Variants in WDR33 observed in about 807,000 individuals in gnomAD.
WDR33 encodes the protein pre-mRNA 3' end processing protein WDR33.
Under a neutral mutation model 164.9 loss-of-function variants are expected in WDR33, and 47 were observed. That is an observed-to-expected ratio of 0.29 (90% CI 0.23 to 0.36). The LOEUF is 0.36. Among genes scored for constraint, WDR33 ranks in the 10% least tolerant of loss-of-function variants. The pLI is 1.00. For missense variants in WDR33, 1,137 were observed against 1,754.1 expected, an observed-to-expected ratio of 0.65 and a Z score of 6.28; for synonymous variants, 505 against 589.0, an observed-to-expected ratio of 0.86 and a Z score of 2.06.
At chr2:127,778,884 A>G (rs1225352353) in intron 1 of WDR33, among the ~76,000 whole-genome samples, 1 of 152,212 alleles carries the variant, frequency 6.6e-6, no homozygotes, top group East Asian at 1.9e-4. Flanking sequence ...TTATTTTACC[A>G]TAATAGATCT....
Position 127,717,965 on chromosome 2 carries a change from T to G in WDR33, c.2761-702A>C, listed in dbSNP as rs1210792229. On this transcript the variant is annotated intron_variant, in intron 16 of 21. Transcript: ENST00000322313. This position sits in a 1 kb window ranked among gnomAD's most constrained non-coding sequence, Gnocchi z 5.6. ...GAAAATAACTTACAATAAATAATAT[T>G]ATACACACATACAACTGAGCAGTAA... Among the ~76,000 whole-genome samples the G allele has an allele frequency of 6.6e-6, 1 of 152,190 alleles. No homozygotes were observed. The highest frequency in any genetic ancestry group is 1.9e-4 in the East Asian group (1 of 5,206).
In WDR33 at chr2:127,710,860, G is replaced by A. The variant is rs1311287122; in HGVS notation, c.3309-1004C>T. ...TTTCAAACTTACAGTAAAGCTGAAA[G>A]AACAGTACAATGAACATCCCAGATC... On this transcript the variant is annotated intron_variant, in intron 18 of 21. Coordinates refer to ENST00000322313, the MANE Select transcript of WDR33 (RefSeq NM_018383.5). The surrounding 1 kb of genome is among the most constrained non-coding windows in gnomAD (Gnocchi z 4.4). Among the ~76,000 whole-genome samples, 1 of 152,062 alleles carries A rather than the reference G, an allele frequency of 6.6e-6. No individual in the cohort carries two copies. The highest frequency in any genetic ancestry group is 1.5e-5 in the Non-Finnish European group (1 of 68,014).
At position 127,724,571 on chromosome 2, in the gene WDR33, A is replaced by G. The variant is rs546868285; in HGVS notation, c.1086-128T>C. 1.3e-4 allele frequency: 106 copies of G among 790,540 alleles called. No homozygotes were observed. Among genetic ancestry groups the G allele is most frequent in the East Asian group, 5.0e-4 (19 of 37,952 alleles). 49.0% of individuals were successfully genotyped at this position (790,540 alleles called of 1,614,324 possible). The stretch of plus-strand genomic sequence containing the variant: ...AAAGCCTGGACTTGGACTCTGGTGA[A>G]TTCCACATGTCTCGGGGTATTGGCT... On this transcript the variant is annotated intron_variant, in intron 10 of 21. Transcript: ENST00000322313. The surrounding 1 kb of genome is among the most constrained non-coding windows in gnomAD (Gnocchi z 4.8).
intron 1 of WDR33, among the ~76,000 whole-genome samples, chr2:127,803,634 C>T (rs1185846635): frequency 6.6e-6 from 1 of 151,948 alleles, no homozygotes; most frequent in Non-Finnish European, 1.5e-5. Context: ...TAGCTCTGTC[C>T]ACTGAAAAGG....
At position 127,765,290 on chromosome 2, in the gene WDR33, G is replaced by A. The variant is rs751998908; in HGVS notation, c.379-21C>T. ...GTCCACTAAGGGAGAAAAAAAGACA[G>A]GTTATACATCCTCCAACTTCACTAA... On this transcript the variant is annotated intron_variant, in intron 4 of 21. Transcript: ENST00000322313. The A allele has an allele frequency of 5.1e-6, 8 of 1,569,280 alleles. No homozygotes were observed. In the East Asian group the frequency reaches 6.7e-5, roughly 13 times the overall value.
intron 7 of WDR33, among the ~76,000 whole-genome samples, chr2:127,734,397 C>T (rs1481939499): frequency 6.6e-6 from 1 of 152,216 alleles, no homozygotes; most frequent in African/African-American, 2.4e-5. Flanking sequence ...CTCCTGGAGA[C>T]AGGTGATGCT....
chr2:127,807,172 T>A (rs1689468007), intron 1 of WDR33, among the ~76,000 whole-genome samples: 1 of 152,028 alleles, frequency 6.6e-6, no homozygotes, highest in African/African-American at 2.4e-5. Flanking sequence ...GCCCAGCTAA[T>A]TTTTTTTGTA....
intron 7 of WDR33, among the ~76,000 whole-genome samples, chr2:127,749,611 G>A (rs927959322): frequency 1.3e-5 from 2 of 149,240 alleles, no homozygotes; most frequent in African/African-American, 2.5e-5. Flanking sequence ...GCAGTGAGCT[G>A]AGATTGTGCC....
chr2:127,740,842 G>T (rs1166621899), intron 7 of WDR33, among the ~76,000 whole-genome samples: 1 of 152,170 alleles, frequency 6.6e-6, no homozygotes, highest in Non-Finnish European at 1.5e-5. Flanking sequence ...ACTTTCAAAG[G>T]TTTGCAGAGG....
Position 127,738,606 on chromosome 2 carries a change from T to C in WDR33, c.725-11829A>G, listed in dbSNP as rs1055038362. Among the ~76,000 whole-genome samples the C allele has an allele frequency of 3.9e-5, 6 of 152,186 alleles. No homozygotes were observed. The highest frequency in any genetic ancestry group is 4.1e-4 in the South Asian group (2 of 4,832). The stretch of plus-strand genomic sequence containing the variant: ...TCAACATCAAGTCATACTGATAGTA[T>C]ACATCCATGACATGGTATGATGAAA... On this transcript the variant is annotated intron_variant, in intron 7 of 21. Transcript: ENST00000322313. This position sits in a 1 kb window ranked among gnomAD's most constrained non-coding sequence, Gnocchi z 4.4.
At position 127,735,795 on chromosome 2, in the gene WDR33, T is replaced by C. The variant is rs1419274481; in HGVS notation, c.725-9018A>G. On this transcript the variant is annotated intron_variant, in intron 7 of 21. Coordinates refer to ENST00000322313, the MANE Select transcript of WDR33 (RefSeq NM_018383.5). This position sits in a 1 kb window ranked among gnomAD's most constrained non-coding sequence, Gnocchi z 4.3. ...TGTGCTCTGGTCAAGGAATATGCAA[T>C]TTATTAGTATTTTACCTTCCTTTAA... 1 of 985,296 alleles carries C rather than the reference T, an allele frequency of 1.0e-6. No individual in the cohort carries two copies. Among genetic ancestry groups the C allele is most frequent in the African/African-American group, 1.7e-5 (1 of 57,238 alleles). The allele number at this position is 985,296 out of a possible 1,614,324, so 61.0% of individuals were successfully genotyped here.
intron 7 of WDR33, among the ~76,000 whole-genome samples, chr2:127,757,197 G>A (rs1248969130): frequency 6.6e-6 from 1 of 151,554 alleles, no homozygotes; most frequent in Non-Finnish European, 1.5e-5. Context: ...CCCCAAGAAA[G>A]GTACAGATTT....
intron 1 of WDR33, among the ~76,000 whole-genome samples, chr2:127,798,512 G>C (rs1278005273): frequency 2.6e-5 from 4 of 151,204 alleles, no homozygotes; most frequent in African/African-American, 9.7e-5. Flanking sequence ...AAAATGATAA[G>C]CTTAAGCTTT....
intron 1 of WDR33, among the ~76,000 whole-genome samples, chr2:127,786,844 C>CTTTTTTTTTTTTTTTTTTTTTT (rs71307273): frequency 1.8e-5 from 2 of 111,876 alleles, no homozygotes; most frequent in South Asian, 3.3e-4. Flanking sequence ...CCTTTCTGTT[C>CTTTTTTTTTTTTTTTTTTTTTT]TTTTTTTTTT....
intron 1 of WDR33, among the ~76,000 whole-genome samples, chr2:127,784,309 A>G (rs1236254010): frequency 6.6e-6 from 1 of 152,242 alleles, no homozygotes; most frequent in African/African-American, 2.4e-5. Context: ...TAGATATTCT[A>G]TGATACTCTT....
At chr2:127,732,934 C>T (rs966678905) in intron 7 of WDR33, among the ~76,000 whole-genome samples, 1 of 152,132 alleles carries the variant, frequency 6.6e-6, no homozygotes, top group Non-Finnish European at 1.5e-5. Flanking sequence ...TTCTGAGGTA[C>T]AGAATTTCAT....
chr2:127,774,205 C>T (rs775057144), intron 1 of WDR33, among the ~76,000 whole-genome samples: 3 of 151,844 alleles, frequency 2.0e-5, no homozygotes, highest in African/African-American at 7.3e-5. Context: ...GCATCTGCCA[C>T]CATGCCTGGC....
rs1685963803 is a variant in WDR33 at position 127,704,415 on chromosome 2, C to G, written c.*1908G>C. 1 of 166,746 alleles carries G rather than the reference C, an allele frequency of 6.0e-6. No individual in the cohort carries two copies. The highest frequency in any genetic ancestry group is 1.5e-5 in the Non-Finnish European group (1 of 68,082). The allele number at this position is 166,746 out of a possible 1,614,324, so 10.3% of individuals were successfully genotyped here. A position where few individuals can be genotyped will look rare whatever the true frequency, so the allele number is the denominator to read the frequency against. ...AATGAAAATTTTTCCACTAGAATCT[C>G]AGGGAAAAAAAGTCTAATCTTGATA... On this transcript the variant is annotated 3_prime_UTR_variant, in exon 22 of 22. Transcript: ENST00000322313.
Position 127,724,807 on chromosome 2 carries a change from G to C in WDR33, c.1085+80C>G. ...ATAGGATATATGAACACTTAGAAAA[G>C]CTACAAAACTATCATGTCTGCACAC... On this transcript the variant is annotated intron_variant, in intron 10 of 21. Transcript: ENST00000322313. This position sits in a 1 kb window ranked among gnomAD's most constrained non-coding sequence, Gnocchi z 4.8. The C allele has an allele frequency of 6.8e-7, 1 of 1,480,344 alleles. No individual in the cohort carries two copies. The highest frequency in any genetic ancestry group is 1.7e-5 in the Admixed American group (1 of 59,268). The allele number at this position is 1,480,344 out of a possible 1,614,324, so 91.7% of individuals were successfully genotyped here. A position where few individuals can be genotyped will look rare whatever the true frequency, so the allele number is the denominator to read the frequency against.
Sources: allele counts gnomAD v4.1 joint callset (sites outside exome capture counted in the v4.1 genomes callset), GRCh38; gene constraint gnomAD v4.1.1; non-coding constraint Gnocchi (gnomAD v3.1); transcripts MANE v1.5; gene names NCBI Gene and HGNC (gene_info 2026-07-23, HGNC 2026-07-21).